The following RAD51AP2 variants were observed in gnomAD, a reference collection of about 807,000 sequenced individuals.
RAD51AP2 encodes RAD51-associated protein 2.
In RAD51AP2, 67 loss-of-function variants were observed where a neutral mutation model predicts 85.5. The ratio of observed to expected loss-of-function variants is 0.78; its 90% CI spans 0.64 to 0.96. The LOEUF (loss-of-function observed/expected upper bound fraction) is 0.96, where lower values mean the gene tolerates loss of function less well. RAD51AP2 is among the 40% of genes least tolerant of loss of function. RAD51AP2 has a pLI of 0.00. For synonymous variants in RAD51AP2, 474 were observed against 446.5 expected (o/e 1.06, Z -0.78); for missense variants, 1,307 against 1,332.4 (o/e 0.98, Z 0.30).
chr2:17,515,701 A>C lies in RAD51AP2; in HGVS notation c.2715T>G (p.Ile905Met), dbSNP rs372382257. 6.2e-7 allele frequency: 1 copy of C among 1,607,752 alleles called. No individual in the cohort carries two copies. Among genetic ancestry groups the C allele is most frequent in the South Asian group, 1.1e-5 (1 of 89,460 alleles). ...YVTNTNEYES[I>M]LPEREIANSK... The stretch of plus-strand genomic sequence containing the variant: ...AATTAGCTATCTCCCTTTCTGGCAA[A>C]ATACTCTCATATTCATTTGTATTTG... Residue 905 changes from isoleucine (I) to methionine (M), a missense_variant, in exon 1 of 3, where the codon ATT (isoleucine) becomes ATG (methionine). By Grantham distance (10) the Ile-to-Met change is conservative. Transcript: ENST00000399080.
intron 1 of RAD51AP2, among the ~76,000 whole-genome samples, chr2:17,514,912 CTTT>C (rs960087317): frequency 1.4e-5 from 2 of 143,170 alleles, no homozygotes; most frequent in African/African-American, 5.1e-5. Flanking sequence ...ATGAAAACAC[CTTT>C]TTTTTTTTTC....
rs371446422 is a variant in RAD51AP2 at position 17,518,059 on chromosome 2, G to C, written c.357C>G (p.Pro119=). 8 of 1,613,764 alleles carry C rather than the reference G, an allele frequency of 5.0e-6. No individual in the cohort carries two copies. Among genetic ancestry groups the C allele is most frequent in the South Asian group, 1.1e-5 (1 of 91,076 alleles). Reference sequence around the variant, plus strand: ...TCAAATCAGAATCAGGACTTTGTGAGGGGGGAGACTGCAAACAGCTACTCA... The same window carrying C: ...TCAAATCAGAATCAGGACTTTGTGACGGGGGAGACTGCAAACAGCTACTCA... ...FQMSSCLQSP[P]SQSPDSDLRA... Residue 119 remains proline, a synonymous_variant, in exon 1 of 3, where the codon CCC becomes CCG. Transcript: ENST00000399080.
At chr2:17,513,542 G>A (rs952539538) in intron 2 of RAD51AP2, among the ~76,000 whole-genome samples, 1 of 152,100 alleles carries the variant, frequency 6.6e-6, no homozygotes, top group South Asian at 2.1e-4. Flanking sequence ...TGGCCTAGTT[G>A]TATTTTTAAT....
chr2:17,520,252 T>G (rs1447230290), upstream of RAD51AP2, among the ~76,000 whole-genome samples: 1 of 152,208 alleles, frequency 6.6e-6, no homozygotes, highest in Non-Finnish European at 1.5e-5. Flanking sequence ...ATTATACTAA[T>G]GGCCACTGCC....
At position 17,516,903 on chromosome 2, in the gene RAD51AP2, G is replaced by T; in HGVS notation, c.1513C>A (p.Pro505Thr). 1 of 1,587,628 alleles carries T rather than the reference G, an allele frequency of 6.3e-7. No individual in the cohort carries two copies. Among genetic ancestry groups the T allele is most frequent in the South Asian group, 1.2e-5 (1 of 85,902 alleles). ...TTQKVFHVNNPFESFIIEIFY... is the reference protein window; with the variant it reads ...TTQKVFHVNNTFESFIIEIFY... Reference sequence around the variant, plus strand: ...ATTTCTATAATGAAACTTTCAAAAGGGTTGTTCACATGAAAGACTTTTTGT... The same window carrying T: ...ATTTCTATAATGAAACTTTCAAAAGTGTTGTTCACATGAAAGACTTTTTGT... The change falls in exon 1 of 3, where the codon CCT becomes ACT. Residue 505 changes from proline to threonine, a missense_variant. Transcript: ENST00000399080.
At chr2:17,532,760 C>T in the RAD51AP2 span, among the ~76,000 whole-genome samples, 1 of 152,102 alleles carries the variant, frequency 6.6e-6, no homozygotes, top group Non-Finnish European at 1.5e-5. Flanking sequence ...CATATGCATG[C>T]ATGTGCATAT....
chr2:17,513,731 G>T (rs1381575787), intron 2 of RAD51AP2, among the ~76,000 whole-genome samples: 3 of 152,110 alleles, frequency 2.0e-5, no homozygotes, highest in Non-Finnish European at 2.9e-5. Flanking sequence ...TGTAAACTAG[G>T]CATATGCAAC....
Position 17,516,266 on chromosome 2 carries a change from A to G in RAD51AP2, c.2150T>C (p.Val717Ala), listed in dbSNP as rs756766141. 16 of 1,610,846 alleles carry G rather than the reference A, an allele frequency of 9.9e-6. No individual in the cohort carries two copies. The highest frequency in any genetic ancestry group is 1.7e-5 in the Admixed American group (1 of 59,508). ...GTGAGCCCAATTTTCCACATTCACA[A>G]CTTGTTGAGGACAACTCATATTCTG... ...TCQNMSCPQQ[V>A]VNVENWAHYN... The change falls in exon 1 of 3, where the codon GTT becomes GCT. Residue 717 changes from valine (V) to alanine (A), a missense_variant. Physicochemically the swap from Val to Ala is moderately conservative, Grantham distance 64 (BLOSUM62 0). Transcript: ENST00000399080.
chr2:17,531,741 A>C, the RAD51AP2 span, among the ~76,000 whole-genome samples: 1 of 152,218 alleles, frequency 6.6e-6, no homozygotes, highest in South Asian at 2.1e-4. Context: ...AAGTTATTTT[A>C]AATAAAACTA....
chr2:17,516,676 C>T lies in RAD51AP2; in HGVS notation c.1740G>A (p.Leu580=). The change falls in exon 1 of 3, where the codon TTG becomes TTA. Residue 580 remains leucine, a synonymous_variant. Transcript: ENST00000399080. ...TGAGCAAAAAAGCTATGTTAGTTTT[C>T]AATAGAATATCTAAAGGTTCTGAAA... The part of the protein sequence containing the change: ...DSVSEPLDIL[L]KTNIAFLLNN... The T allele has an allele frequency of 6.4e-7, 1 of 1,568,784 alleles. No individual in the cohort carries two copies. The highest frequency in any genetic ancestry group is 1.2e-5 in the South Asian group (1 of 83,788).
At position 17,517,169 on chromosome 2, in the gene RAD51AP2, C is replaced by T; in HGVS notation, c.1247G>A (p.Cys416Tyr). 1 of 1,609,476 alleles carries T rather than the reference C, an allele frequency of 6.2e-7. No individual in the cohort carries two copies. Among genetic ancestry groups the T allele is most frequent in the Non-Finnish European group, 8.5e-7 (1 of 1,178,254 alleles). Residue 416 changes from cysteine (C) to tyrosine (Y), a missense_variant, in exon 1 of 3, where the codon TGC becomes TAC. Coordinates refer to ENST00000399080, the MANE Select transcript of RAD51AP2 (RefSeq NM_001099218.3). ...TTTCATATTTTCACATTTAGTCTTGCAATTATTTATAATCCAACAATTTCC... is the reference window on the plus strand; with the variant it reads ...TTTCATATTTTCACATTTAGTCTTGTAATTATTTATAATCCAACAATTTCC... ...NRGNCWIINN[C>Y]KTKCENMKKT...
chr2:17,521,357 A>C (rs1175609933), upstream of RAD51AP2, among the ~76,000 whole-genome samples: 1 of 152,156 alleles, frequency 6.6e-6, no homozygotes, highest in Non-Finnish European at 1.5e-5. Context: ...TTTTAGCATC[A>C]TTTGTGTTTC....
rs569157841 is a variant in RAD51AP2 at position 17,517,835 on chromosome 2, T to C, written c.581A>G (p.Asp194Gly). ...DNVHKENPFL[D>G]VTFYKETKSP... ...TTTAGTTTCCTTGTAAAAGGTAACA[T>C]CTAAAAATGGATTTTCTTTGTGAAC... The change falls in exon 1 of 3, where the codon GAT becomes GGT. Residue 194 changes from aspartate (D) to glycine (G), a missense_variant. Physicochemically the swap from Asp to Gly is moderately conservative, Grantham distance 94. Around this residue, in one of 3 missense-constraint regions of RAD51AP2, gnomAD observed 635 missense variants for 643.6 expected, o/e 0.99. Transcript: ENST00000399080. 1 of 1,614,172 alleles carries C rather than the reference T, an allele frequency of 6.2e-7. No homozygotes were observed. The highest frequency in any genetic ancestry group is 1.7e-5 in the Admixed American group (1 of 60,038).
chr2:17,518,913 G>A (rs1458436184), upstream of RAD51AP2, among the ~76,000 whole-genome samples: 1 of 151,996 alleles, frequency 6.6e-6, no homozygotes, highest in East Asian at 1.9e-4. Context: ...GTCAGCACCA[G>A]ACCAAATCTC....
chr2:17,529,917 G>T, the RAD51AP2 span, among the ~76,000 whole-genome samples: 1 of 152,130 alleles, frequency 6.6e-6, no homozygotes, highest in African/African-American at 2.4e-5. Flanking sequence ...CAGGTTGGGG[G>T]ATCACTTTTG....
At position 17,518,246 on chromosome 2, in the gene RAD51AP2, A is replaced by G; in HGVS notation, c.170T>C (p.Leu57Ser). Residue 57 changes from leucine (L) to serine (S), a missense_variant, in exon 1 of 3, where the codon TTG (leucine) becomes TCG (serine). By Grantham distance (145) the Leu-to-Ser change is moderately radical. Coordinates refer to ENST00000399080, the MANE Select transcript of RAD51AP2 (RefSeq NM_001099218.3). ...CTCCCAGACTTTTTCCGCCTCAGACAAGCGAGGCACCAGAGGCAGTCGCCA... is the reference window on the plus strand; with the variant it reads ...CTCCCAGACTTTTTCCGCCTCAGACGAGCGAGGCACCAGAGGCAGTCGCCA... ...AGWRLPLVPR[L>S]SEAEKVWELS... The G allele has an allele frequency of 6.2e-7, 1 of 1,614,180 alleles. No individual in the cohort carries two copies. The highest frequency in any genetic ancestry group is 8.5e-7 in the Non-Finnish European group (1 of 1,180,018).
At chr2:17,528,997 T>C in the RAD51AP2 span, among the ~76,000 whole-genome samples, 9 of 152,344 alleles carry the variant, frequency 5.9e-5, no homozygotes, top group African/African-American at 2.2e-4. Flanking sequence ...TTGCCAATTG[T>C]AAAAACTGTT....
At chr2:17,520,417 A>G (rs1558268851), upstream of RAD51AP2, among the ~76,000 whole-genome samples, 1 of 152,082 alleles carries the variant, frequency 6.6e-6, no homozygotes, top group East Asian at 1.9e-4. Flanking sequence ...ACTTGTCTGA[A>G]TCTTACTGAT....
the RAD51AP2 span, among the ~76,000 whole-genome samples, chr2:17,533,330 C>T: frequency 6.6e-6 from 1 of 152,232 alleles, no homozygotes; most frequent in East Asian, 1.9e-4. Context: ...TCCTCTTCTC[C>T]AAACTTGCAT....
Sources: gnomAD v4.1 joint callset for allele counts (sites outside exome capture counted in the v4.1 genomes callset) on GRCh38, gnomAD v4.1.1 for gene constraint, gnomAD v4.1.1 regional missense constraint, MANE v1.5 for transcripts, NCBI Gene and HGNC (gene_info 2026-07-23, HGNC 2026-07-21) for gene names.